The following PEX5L variants were observed in gnomAD, a reference collection of about 807,000 sequenced individuals.
The protein encoded by PEX5L is peroxisomal biogenesis factor 5 like, also known as PEX5-related protein.
In PEX5L, 30 loss-of-function variants were observed where a neutral mutation model predicts 84.0. That is an observed-to-expected ratio of 0.36 (90% confidence interval 0.27 to 0.48). The LOEUF (loss-of-function observed/expected upper bound fraction) is 0.48, where lower values mean the gene tolerates loss of function less well. Among genes scored for constraint, PEX5L ranks in the 20% least tolerant of loss-of-function variants. PEX5L has a pLI of 0.99. For missense variants in PEX5L, 533 were observed against 754.6 expected, an observed-to-expected ratio of 0.71 and a Z score of 3.44; for synonymous variants, 270 against 283.1, an observed-to-expected ratio of 0.95 and a Z score of 0.46.
At chr3:179,884,907 T>G (rs2108820965) in intron 4 of PEX5L, among the ~76,000 whole-genome samples, 1 of 152,284 alleles carries the variant, frequency 6.6e-6, no homozygotes. Context: ...GATACGTTCT[T>G]TTAGGGTTCA....
At chr3:179,873,102 A>G (rs1750922066) in intron 7 of PEX5L, among the ~76,000 whole-genome samples, 1 of 152,108 alleles carries the variant, frequency 6.6e-6, no homozygotes, top group African/African-American at 2.4e-5. Context: ...TATTTGCTGA[A>G]GATTTCTTCT....
chr3:179,805,639 C>T (rs1168051944), intron 14 of PEX5L, among the ~76,000 whole-genome samples: 4 of 152,144 alleles, frequency 2.6e-5, no homozygotes, highest in African/African-American at 9.7e-5. Context: ...ACAGTAACAT[C>T]CCATGCAATA....
At chr3:179,891,768 T>C (rs1034101574) in intron 3 of PEX5L, among the ~76,000 whole-genome samples, 10 of 152,156 alleles carry the variant, frequency 6.6e-5, no homozygotes, top group African/African-American at 1.9e-4. Context: ...TTTGCATAGA[T>C]TAAGAATAGC....
At chr3:179,981,828 G>C (rs1235017178) in intron 1 of PEX5L, among the ~76,000 whole-genome samples, 2 of 151,800 alleles carry the variant, frequency 1.3e-5, no homozygotes, top group African/African-American at 4.8e-5. Flanking sequence ...AAGGGAGTCT[G>C]TTTAAAAAGA....
intron 2 of PEX5L, among the ~76,000 whole-genome samples, chr3:179,926,721 C>T (rs1771561339): frequency 6.6e-6 from 1 of 152,168 alleles, no homozygotes; most frequent in Non-Finnish European, 1.5e-5. Context: ...TCCACAACTG[C>T]CACATTCACA....
intron 8 of PEX5L, among the ~76,000 whole-genome samples, chr3:179,832,384 C>T (rs1733387608): frequency 6.7e-6 from 1 of 150,276 alleles, no homozygotes; most frequent in East Asian, 2.0e-4. Context: ...ACCTACTTAT[C>T]CACCCACCAA....
intron 2 of PEX5L, among the ~76,000 whole-genome samples, chr3:179,961,199 G>A (rs1426350409): frequency 1.3e-5 from 1 of 75,984 alleles, no homozygotes; most frequent in Admixed American, 1.5e-4. Context: ...TTGTGTATGT[G>A]TATGTGTGTG....
chr3:179,899,078 T>C (rs1760352090), intron 2 of PEX5L, among the ~76,000 whole-genome samples: 1 of 152,066 alleles, frequency 6.6e-6, no homozygotes, highest in Admixed American at 6.6e-5. Flanking sequence ...CATATCCCTA[T>C]GTTATTTGTC....
chr3:179,943,718 T>C (rs958602013), intron 2 of PEX5L, among the ~76,000 whole-genome samples: 3 of 152,204 alleles, frequency 2.0e-5, no homozygotes, highest in Non-Finnish European at 2.9e-5. Context: ...GCTGTCATTA[T>C]ATATGAGAGA....
chr3:179,840,177 G>GT (rs1560319639), intron 8 of PEX5L, among the ~76,000 whole-genome samples: 14 of 107,928 alleles, frequency 1.3e-4, no homozygotes, highest in African/African-American at 5.4e-4. Flanking sequence ...GTGTGTGTGT[G>GT]TGTGTGTTTT....
In PEX5L at chr3:180,031,598, A is replaced by T. The variant is rs145712453; in HGVS notation, c.21+4981T>A. Among the ~76,000 whole-genome samples the T allele has an allele frequency of 2.9e-3, 437 of 152,368 alleles. 1 individual carries two copies. Among genetic ancestry groups the T allele is most frequent in the African/African-American group, 0.01 (416 of 41,586 alleles). ...GATTTAGGTTTCTTAATAAGGACACACTAGGCTGGAGTTTACCTTTACATT... is the reference window on the plus strand; with the variant it reads ...GATTTAGGTTTCTTAATAAGGACACTCTAGGCTGGAGTTTACCTTTACATT... On this transcript the variant is annotated intron_variant, in intron 1 of 14. Coordinates refer to ENST00000467460, the MANE Select transcript of PEX5L (RefSeq NM_016559.3).
At chr3:179,959,253 G>A (rs1171538885) in intron 2 of PEX5L, among the ~76,000 whole-genome samples, 2 of 152,096 alleles carry the variant, frequency 1.3e-5, no homozygotes, top group Non-Finnish European at 2.9e-5. Context: ...CTGGGAACAC[G>A]TGGAGCACTG....
In PEX5L at chr3:179,922,525, C is replaced by G. The variant is rs1238403214; in HGVS notation, c.94-24279G>C. Among the ~76,000 whole-genome samples the G allele has an allele frequency of 4.0e-5, 6 of 151,236 alleles. No individual in the cohort carries two copies. In the East Asian group the frequency reaches 9.8e-4, roughly 25 times the overall value. On this transcript the variant is annotated intron_variant, in intron 2 of 14. Transcript: ENST00000467460. ...GTGCAGTGGCGCGGTCTCGGCTCAC[C>G]GCAACCTCTGCCTCCTGAGTTCAAG...
chr3:179,977,257 GATGGGGCCAGGACTTTACCCTTCCTTT>G (rs963115653), intron 1 of PEX5L, among the ~76,000 whole-genome samples: 1 of 152,126 alleles, frequency 6.6e-6, no homozygotes, highest in Admixed American at 6.5e-5. Context: ...CAGTAAAAAA[GATGGGGCCAGGACTTTACCCTTCCTTT>G]ATGATGTTCC....
intron 9 of PEX5L, among the ~76,000 whole-genome samples, chr3:179,816,677 G>A (rs1405566767): frequency 6.6e-6 from 1 of 152,046 alleles, no homozygotes; most frequent in African/African-American, 2.4e-5. Flanking sequence ...CATGGCACGT[G>A]TATACCTATG....
intron 1 of PEX5L, among the ~76,000 whole-genome samples, chr3:180,017,346 G>A (rs1282690970): frequency 6.6e-6 from 1 of 152,166 alleles, no homozygotes; most frequent in African/African-American, 2.4e-5. Flanking sequence ...AGAATATATG[G>A]ATTACAGATT....
chr3:179,858,253 T>A (rs991958840), intron 8 of PEX5L, among the ~76,000 whole-genome samples: 6 of 152,254 alleles, frequency 3.9e-5, no homozygotes, highest in Middle Eastern at 3.4e-3. Flanking sequence ...CATAAGTAAG[T>A]TCAGTGAAAA....
At chr3:179,843,281 A>G (rs1737996429) in intron 8 of PEX5L, among the ~76,000 whole-genome samples, 1 of 152,214 alleles carries the variant, frequency 6.6e-6, no homozygotes, top group Non-Finnish European at 1.5e-5. Context: ...AGATCTTTTC[A>G]GAATTCCAAA....
At chr3:179,813,664 A>ATTTTTTT in intron 10 of PEX5L, among the ~76,000 whole-genome samples, 1 of 96,420 alleles carries the variant, frequency 1.0e-5, no homozygotes, top group Non-Finnish European at 2.0e-5. Flanking sequence ...CACTCAACTA[A>ATTTTTTT]TTTTTTTTTT....
Sources: gnomAD v4.1 joint callset for allele counts (sites outside exome capture counted in the v4.1 genomes callset) on GRCh38, gnomAD v4.1.1 for gene constraint, MANE v1.5 for transcripts, NCBI Gene and HGNC (gene_info 2026-07-23, HGNC 2026-07-21) for gene names.